Variants in CTNNA2 observed in about 807,000 individuals in gnomAD.
CTNNA2 encodes the protein catenin alpha-2.
CTNNA2 carries 42 observed loss-of-function variants against 101.0 expected under a neutral mutation model. That is an observed-to-expected ratio of 0.42 (90% CI 0.32 to 0.54). CTNNA2 has a LOEUF of 0.54. Ranked by LOEUF, CTNNA2 falls within the 20% of genes least tolerant of loss-of-function variation. The pLI, the probability that CTNNA2 is intolerant of heterozygous loss-of-function variation, is 0.14. For missense variants in CTNNA2, 871 were observed against 1,223.1 expected (o/e 0.71, Z 4.29); for synonymous variants, 450 against 456.4 (o/e 0.99, Z 0.18).
chr2:79,782,200 C>G lies in CTNNA2; in HGVS notation c.298+37618C>G, dbSNP rs141025705. 3.8e-3 allele frequency among the ~76,000 whole-genome samples: 583 copies of G among 152,010 alleles called. 3 individuals are homozygous for G. The highest frequency in any genetic ancestry group is 0.013 in the African/African-American group (540 of 41,498). On this transcript the variant is annotated intron_variant, in intron 3 of 18. Transcript: ENST00000402739. Reference sequence around the variant, plus strand: ...AATAAGCAAACTTTGGAAGAGTTAGCCAACTTAAAGCACTATTGCTTGCCT... The same window carrying G: ...AATAAGCAAACTTTGGAAGAGTTAGGCAACTTAAAGCACTATTGCTTGCCT...
In CTNNA2 at chr2:79,737,190, A is replaced by G. The variant is rs1670944210; in HGVS notation, c.103-7197A>G. 2.6e-5 allele frequency among the ~76,000 whole-genome samples: 4 copies of G among 152,124 alleles called. No homozygotes were observed. The South Asian group carries it at 8.3e-4, about 32-fold the overall frequency. ...TGGCGAAACCCCGTCTCTACTAAAA[A>G]TACAAAAAATTAGCTGGGCTTGGTG... On this transcript the variant is annotated intron_variant, in intron 2 of 18. Coordinates refer to ENST00000402739, the MANE Select transcript of CTNNA2 (RefSeq NM_001282597.3).
intron 3 of CTNNA2, among the ~76,000 whole-genome samples, chr2:79,318,121 C>A (rs2104406410): frequency 6.6e-6 from 1 of 152,082 alleles, no homozygotes; most frequent in South Asian, 2.1e-4. Context: ...AAAAATTCTA[C>A]CAAATATAAA....
At chr2:79,281,598 G>A (rs1164522918) in intron 2 of CTNNA2, 1 of 152,122 alleles carries the variant, frequency 6.6e-6, no homozygotes, top group African/African-American at 2.4e-5. Context: ...GTAATGTTTT[G>A]CTGTAGTGTT....
intron 3 of CTNNA2, among the ~76,000 whole-genome samples, chr2:79,777,371 G>GTGTGTGTGTGTC (rs1179726466): frequency 1.5e-5 from 2 of 132,730 alleles, no homozygotes; most frequent in East Asian, 4.8e-4. Flanking sequence ...GTGTGTGTGT[G>GTGTGTGTGTGTC]TGTGTCTGTA....
intron 7 of CTNNA2, among the ~76,000 whole-genome samples, chr2:80,264,520 G>T (rs142393036): frequency 2.6e-5 from 4 of 152,204 alleles, no homozygotes; most frequent in African/African-American, 7.2e-5. Context: ...GGTGAAAGAG[G>T]TAACTGTTTA....
At chr2:79,284,588 C>G (rs1458334700) in intron 2 of CTNNA2, among the ~76,000 whole-genome samples, 10 of 149,944 alleles carry the variant, frequency 6.7e-5, no homozygotes, top group African/African-American at 2.0e-4. Context: ...ATTGAACCAG[C>G]CTTGCATCCC....
chr2:79,779,523 C>G (rs1674262318), intron 3 of CTNNA2, among the ~76,000 whole-genome samples: 1 of 152,192 alleles, frequency 6.6e-6, no homozygotes, highest in South Asian at 2.1e-4. Flanking sequence ...CTTATTAACT[C>G]TGACCTCTGT....
chr2:79,387,344 A>C (rs751496654), intron 4 of CTNNA2, among the ~76,000 whole-genome samples: 1 of 152,084 alleles, frequency 6.6e-6, no homozygotes, highest in Non-Finnish European at 1.5e-5. Context: ...TTGTTGGTCT[A>C]TTTACTAAGC....
At chr2:79,511,838 GC>G (rs1671551979), upstream of CTNNA2, among the ~76,000 whole-genome samples, 1 of 152,138 alleles carries the variant, frequency 6.6e-6, no homozygotes, top group East Asian at 1.9e-4. Context: ...TTTAAAAAAT[GC>G]ATGCACTAAG....
chr2:80,210,348 T>A (rs1573398674), intron 7 of CTNNA2, among the ~76,000 whole-genome samples: 2 of 152,332 alleles, frequency 1.3e-5, no homozygotes, highest in East Asian at 3.9e-4. Context: ...TATCGCCTAA[T>A]GCTATCCTTC....
chr2:80,080,879 A>G (rs1214454451), intron 7 of CTNNA2, among the ~76,000 whole-genome samples: 2 of 150,762 alleles, frequency 1.3e-5, no homozygotes, highest in East Asian at 3.9e-4. Flanking sequence ...CAAAATCAGG[A>G]CACAGCAGTC....
intron 2 of CTNNA2, among the ~76,000 whole-genome samples, chr2:79,274,992 G>A (rs1648227085): frequency 6.6e-6 from 1 of 151,998 alleles, no homozygotes; most frequent in Non-Finnish European, 1.5e-5. Flanking sequence ...ACAAAGCTAT[G>A]CTCTGGGAAC....
intron 7 of CTNNA2, among the ~76,000 whole-genome samples, chr2:79,989,746 T>G (rs1692036063): frequency 6.6e-6 from 1 of 152,228 alleles, no homozygotes; most frequent in African/African-American, 2.4e-5. Flanking sequence ...CTTATAAATT[T>G]CTTTGTTTCT....
At chr2:79,502,973 T>C (rs1053830411) in intron 4 of CTNNA2, among the ~76,000 whole-genome samples, 2 of 152,148 alleles carry the variant, frequency 1.3e-5, no homozygotes, top group Non-Finnish European at 2.9e-5. Flanking sequence ...AATATAGACC[T>C]TCTCTTACCA....
chr2:80,642,027 C>T (rs1444315474), intron 18 of CTNNA2, among the ~76,000 whole-genome samples: 1 of 152,042 alleles, frequency 6.6e-6, no homozygotes, highest in Non-Finnish European at 1.5e-5. Context: ...TACAACTGGA[C>T]CTCTGATAAA....
chr2:80,380,513 T>G (rs1372580227), intron 7 of CTNNA2, among the ~76,000 whole-genome samples: 2 of 152,184 alleles, frequency 1.3e-5, no homozygotes, highest in Non-Finnish European at 2.9e-5. Context: ...TGTTCAGCCT[T>G]TTTCACTTAT....
At chr2:79,772,162 A>C (rs1673636307) in intron 3 of CTNNA2, among the ~76,000 whole-genome samples, 1 of 151,788 alleles carries the variant, frequency 6.6e-6, no homozygotes. Context: ...TTTCACTAAT[A>C]TTTATTAACT....
chr2:79,519,474 A>G (rs1671988807), intron 1 of CTNNA2, among the ~76,000 whole-genome samples: 1 of 152,082 alleles, frequency 6.6e-6, no homozygotes, highest in Non-Finnish European at 1.5e-5. Flanking sequence ...CAGCTAATTA[A>G]TTTGTTATGT....
At chr2:80,641,124 C>T (rs1558670974) in intron 18 of CTNNA2, among the ~76,000 whole-genome samples, 1 of 152,138 alleles carries the variant, frequency 6.6e-6, no homozygotes, top group Non-Finnish European at 1.5e-5. Flanking sequence ...AATAAAATAG[C>T]AAGGCCCAAA....
Sources: allele counts gnomAD v4.1 joint callset (sites outside exome capture counted in the v4.1 genomes callset), GRCh38; gene constraint gnomAD v4.1.1; transcripts MANE v1.5; gene names NCBI Gene and HGNC (gene_info 2026-07-23, HGNC 2026-07-21).